Variants in CSMD1 observed in about 807,000 individuals in gnomAD.
CSMD1 encodes CUB and Sushi multiple domains 1, also known as CUB and sushi domain-containing protein 1.
In CSMD1, 213 loss-of-function variants were observed where a neutral mutation model predicts 417.5. The ratio of observed to expected loss-of-function variants is 0.51; its 90% confidence interval spans 0.46 to 0.57. The LOEUF (loss-of-function observed/expected upper bound fraction) is 0.57. Among genes scored for constraint, CSMD1 ranks in the 20% least tolerant of loss-of-function variants. The pLI is 0.00. For synonymous variants in CSMD1, 2,862 were observed against 1,736.8 expected, an observed-to-expected ratio of 1.65 and a Z score of -16.11; for missense variants, 6,923 against 4,529.7, an observed-to-expected ratio of 1.53 and a Z score of -15.17.
At chr8:3,871,690 A>T (rs2129112932) in intron 5 of CSMD1, among the ~76,000 whole-genome samples, 1 of 152,254 alleles carries the variant, frequency 6.6e-6, no homozygotes, top group African/African-American at 2.4e-5. Context: ...AATCATTTTC[A>T]CCCAGGTAAA....
chr8:4,110,116 T>C (rs909335829), intron 3 of CSMD1, among the ~76,000 whole-genome samples: 4 of 152,016 alleles, frequency 2.6e-5, no homozygotes, highest in African/African-American at 7.2e-5. Context: ...AACGGTGGAG[T>C]TGGAAAAGTG....
At chr8:2,978,435 T>A (rs1263962663) in intron 55 of CSMD1, among the ~76,000 whole-genome samples, 177 bp downstream of exon 55, 2 of 152,184 alleles carry the variant, frequency 1.3e-5, no homozygotes, top group African/African-American at 4.8e-5. Flanking sequence ...TTGCTGAAGT[T>A]GTATTTGGTG....
At chr8:3,444,914 G>A (rs931473901) in intron 12 of CSMD1, among the ~76,000 whole-genome samples, 2 of 152,132 alleles carry the variant, frequency 1.3e-5, no homozygotes, top group South Asian at 2.1e-4. Context: ...GTCAGTGCAC[G>A]TCAGTCACCC....
chr8:3,853,230 C>T (rs1195338437), intron 5 of CSMD1, among the ~76,000 whole-genome samples: 1 of 152,100 alleles, frequency 6.6e-6, no homozygotes, highest in East Asian at 1.9e-4. Flanking sequence ...GTTGGTTCTT[C>T]CTTTTGGGGA....
intron 2 of CSMD1, among the ~76,000 whole-genome samples, chr8:4,534,277 C>T (rs1796985242): frequency 6.6e-6 from 1 of 152,194 alleles, no homozygotes; most frequent in South Asian, 2.1e-4. Context: ...CCCAAGGATG[C>T]TCAAGGAGGC....
chr8:3,422,850 T>C (rs1390084839), intron 12 of CSMD1, among the ~76,000 whole-genome samples: 1 of 152,186 alleles, frequency 6.6e-6, no homozygotes, highest in Non-Finnish European at 1.5e-5. Context: ...AACTGCTCTC[T>C]GCTTCGAAAA....
intron 3 of CSMD1, among the ~76,000 whole-genome samples, chr8:4,403,897 C>A (rs192137203): frequency 8.5e-5 from 13 of 152,246 alleles, no homozygotes; most frequent in Non-Finnish European, 1.9e-4. Flanking sequence ...TCTCACATCC[C>A]CTACCCACAC....
chr8:4,823,873 A>C (rs1199411017), intron 1 of CSMD1, among the ~76,000 whole-genome samples: 1 of 152,054 alleles, frequency 6.6e-6, no homozygotes, highest in African/African-American at 2.4e-5. Flanking sequence ...GGAAGGCTTA[A>C]TATTGAACTT....
At chr8:4,563,659 A>T (rs1798452034) in intron 2 of CSMD1, among the ~76,000 whole-genome samples, 1 of 152,206 alleles carries the variant, frequency 6.6e-6, no homozygotes, top group African/African-American at 2.4e-5. Flanking sequence ...AAGTGATGTA[A>T]AACTTTACAC....
chr8:3,278,127 G>T (rs1374190888), intron 26 of CSMD1, among the ~76,000 whole-genome samples: 1 of 152,242 alleles, frequency 6.6e-6, no homozygotes, highest in Non-Finnish European at 1.5e-5. Flanking sequence ...ATGATAGAGT[G>T]ACCCTTGGAA....
rs572057647 is a variant in CSMD1 at position 4,810,595 on chromosome 8, T to C, written c.86-173037A>G. On this transcript the variant is annotated intron_variant, in intron 1 of 69. Transcript: ENST00000635120. ...GGGTGGTGGCTGTGTGTCTGTATAA[T>C]TGCTACTTTCCCTTAGGGGTTCCAG... Among the ~76,000 whole-genome samples the C allele has an allele frequency of 1.2e-4, 18 of 152,338 alleles. No homozygotes were observed. The South Asian group carries it at 3.3e-3, about 28-fold the overall frequency.
intron 7 of CSMD1, among the ~76,000 whole-genome samples, chr8:3,631,551 T>C (rs1198347185): frequency 6.6e-6 from 1 of 152,146 alleles, no homozygotes. Context: ...ATAGAAAGGT[T>C]TGCAAACAGT....
At chr8:4,629,033 G>C (rs575006276) in intron 2 of CSMD1, among the ~76,000 whole-genome samples, 5 of 152,206 alleles carry the variant, frequency 3.3e-5, no homozygotes, top group South Asian at 2.1e-4. Context: ...GTATTGTAGA[G>C]CTAATATAAT....
intron 5 of CSMD1, among the ~76,000 whole-genome samples, chr8:3,796,993 T>C (rs978490016): frequency 5.9e-5 from 9 of 151,804 alleles, no homozygotes; most frequent in African/African-American, 1.9e-4. Flanking sequence ...AAAGTTAATG[T>C]AATATTTAAT....
chr8:4,427,321 G>A (rs1797617976), intron 2 of CSMD1, among the ~76,000 whole-genome samples: 1 of 152,148 alleles, frequency 6.6e-6, no homozygotes, highest in Non-Finnish European at 1.5e-5. Context: ...AATACTGGAT[G>A]CAGTGAGTTA....
rs575934831 is a variant in CSMD1 at position 4,788,601 on chromosome 8, T to G, written c.86-151043A>C. On this transcript the variant is annotated intron_variant, in intron 1 of 69. Coordinates refer to ENST00000635120, the MANE Select transcript of CSMD1 (RefSeq NM_033225.6). ...TGTAATTTATAAGAAACAATGCCAT[T>G]GAAATTTTTAGGGGAAAAACTACAA... 16 of 1,119,690 alleles carry G rather than the reference T, an allele frequency of 1.4e-5. No homozygotes were observed. In the South Asian group the frequency reaches 2.7e-4, roughly 19 times the overall value. The allele number at this position is 1,119,690 out of a possible 1,614,324, so 69.4% of individuals were successfully genotyped here.
In CSMD1 at chr8:4,644,555, C is replaced by T. The variant is rs544223890; in HGVS notation, c.86-6997G>A. Among the ~76,000 whole-genome samples the T allele has an allele frequency of 3.4e-4, 51 of 152,200 alleles. 1 individual carries two copies. The highest frequency in any genetic ancestry group is 2.9e-4 in the Non-Finnish European group (20 of 68,008). On this transcript the variant is annotated intron_variant, in intron 1 of 69. Transcript: ENST00000635120. ...CAGAGTAGCTGGGATTACAGGCACGCGCCACCACACCTGACTAATATTTCT... is the reference window on the plus strand; with the variant it reads ...CAGAGTAGCTGGGATTACAGGCACGTGCCACCACACCTGACTAATATTTCT...
At chr8:4,148,239 A>T (rs1026376425) in intron 3 of CSMD1, among the ~76,000 whole-genome samples, 2 of 151,946 alleles carry the variant, frequency 1.3e-5, no homozygotes, top group African/African-American at 4.8e-5. Context: ...TTTAAAACAA[A>T]ATGAAAAACT....
chr8:3,714,055 G>A (rs571522667), intron 6 of CSMD1, among the ~76,000 whole-genome samples: 63 of 151,522 alleles, frequency 4.2e-4, no homozygotes, highest in African/African-American at 1.5e-3. Flanking sequence ...TAGATAGATA[G>A]ATAGATGTCC....
Sources: allele counts gnomAD v4.1 joint callset (sites outside exome capture counted in the v4.1 genomes callset), GRCh38; gene constraint gnomAD v4.1.1; transcripts MANE v1.5; gene names NCBI Gene and HGNC (gene_info 2026-07-23, HGNC 2026-07-21).